Variants in LIMS1 observed in about 807,000 individuals in gnomAD.
LIMS1 encodes LIM zinc finger domain containing 1.
Under a neutral mutation model 44.1 loss-of-function variants are expected in LIMS1, and 18 were observed. The ratio of observed to expected loss-of-function variants is 0.41; its 90% CI spans 0.28 to 0.61. LIMS1 has a LOEUF of 0.61. Ranked by LOEUF, LIMS1 falls within the 20% of genes least tolerant of loss-of-function variation. The probability of loss-of-function intolerance (pLI) is 0.32; values close to 1 mark genes in which losing one functional copy is unlikely to be tolerated. For synonymous variants in LIMS1, 93 were observed against 149.1 expected, an observed-to-expected ratio of 0.62 and a Z score of 2.74; for missense variants, 201 against 422.0, an observed-to-expected ratio of 0.48 and a Z score of 4.59.
chr2:108,613,342 A>C (rs1687762443), intron 1 of LIMS1, among the ~76,000 whole-genome samples: 1 of 152,186 alleles, frequency 6.6e-6, no homozygotes, highest in African/African-American at 2.4e-5. Flanking sequence ...TCTGTGGACA[A>C]GATTAAGGCA....
rs114994985 is a variant in LIMS1 at position 108,584,412 on chromosome 2, T to C, written c.32+49818T>C. ...GACTTTTAAAGCCACGTAACCTCAT[T>C]CTGAGCTTCCTGTTCCTTATTAGAG... On this transcript the variant is annotated intron_variant, in intron 1 of 9. Coordinates refer to ENST00000544547, the Ensembl canonical transcript of LIMS1. 1.2e-3 allele frequency among the ~76,000 whole-genome samples: 176 copies of C among 152,200 alleles called. 1 individual carries two copies. The highest frequency in any genetic ancestry group is 4.0e-3 in the African/African-American group (166 of 41,518).
chr2:108,605,544 T>C lies in LIMS1; in HGVS notation c.33-54061T>C, dbSNP rs1220212941. Among the ~76,000 whole-genome samples, 5 of 152,340 alleles carry C rather than the reference T, an allele frequency of 3.3e-5. No homozygotes were observed. In the East Asian group the frequency reaches 5.8e-4, roughly 18 times the overall value. On this transcript the variant is annotated intron_variant, in intron 1 of 9. Coordinates refer to ENST00000544547, the Ensembl canonical transcript of LIMS1. ...GAAATTTATTCCTTTCAGCATCTTA[T>C]GCTGTCCCCATTTTCCTCTTTATTC...
intron 1 of LIMS1, among the ~76,000 whole-genome samples, chr2:108,593,313 CTCTT>C (rs1686502355): frequency 6.6e-6 from 1 of 152,184 alleles, no homozygotes; most frequent in Admixed American, 6.5e-5. Flanking sequence ...AGCCATTCTT[CTCTT>C]TCTTTTGCTT....
At chr2:108,580,178 A>G (rs540651278) in intron 1 of LIMS1, among the ~76,000 whole-genome samples, 1 of 152,346 alleles carries the variant, frequency 6.6e-6, no homozygotes, top group South Asian at 2.1e-4. Flanking sequence ...GCAAACAACT[A>G]GGGCTTTCCC....
chr2:108,659,141 G>T (rs1363875493), intron 1 of LIMS1: 1 of 980,970 alleles, frequency 1.0e-6, no homozygotes, highest in Non-Finnish European at 1.2e-6. Flanking sequence ...GGGATAACCC[G>T]TGTCTAGGTT....
intron 1 of LIMS1, among the ~76,000 whole-genome samples, chr2:108,561,769 GTC>G (rs1685132879): frequency 1.4e-5 from 2 of 145,700 alleles, no homozygotes; most frequent in Admixed American, 7.0e-5. Flanking sequence ...TTGAGGCGGA[GTC>G]TCACTCTGTT....
intron 1 of LIMS1, among the ~76,000 whole-genome samples, chr2:108,657,405 G>A (rs1217310730): frequency 1.3e-5 from 2 of 152,426 alleles, no homozygotes; most frequent in African/African-American, 2.4e-5. Context: ...AGCATCTTAC[G>A]GTTTCCAAAT....
intron 1 of LIMS1, chr2:108,607,245 T>C: frequency 6.4e-7 from 1 of 1,551,134 alleles, no homozygotes; most frequent in Admixed American, 2.0e-5. Flanking sequence ...CGAATCAAGA[T>C]ACATGACATG....
chr2:108,592,897 G>T (rs1043365202), intron 1 of LIMS1, among the ~76,000 whole-genome samples: 6 of 152,118 alleles, frequency 3.9e-5, no homozygotes, highest in African/African-American at 1.4e-4. Flanking sequence ...CCTTTTTATT[G>T]TATTAATAGT....
At chr2:108,551,521 A>G (rs1684703921) in intron 1 of LIMS1, among the ~76,000 whole-genome samples, 1 of 145,146 alleles carries the variant, frequency 6.9e-6, no homozygotes. Flanking sequence ...ACACACACAC[A>G]CACACACACA....
chr2:108,650,005 C>T (rs746968569), intron 1 of LIMS1, among the ~76,000 whole-genome samples: 5 of 152,034 alleles, frequency 3.3e-5, no homozygotes, highest in Admixed American at 1.3e-4. Flanking sequence ...AAAAGAAAAA[C>T]GCCCTTAGGG....
At chr2:108,656,301 A>ATATC (rs745568537) in intron 1 of LIMS1, among the ~76,000 whole-genome samples, 3 of 121,106 alleles carry the variant, frequency 2.5e-5, no homozygotes, top group African/African-American at 8.6e-5. Flanking sequence ...TTACATATAA[A>ATATC]TATCTATCTA....
At chr2:108,649,242 C>G (rs1436093778) in intron 1 of LIMS1, among the ~76,000 whole-genome samples, 1 of 152,210 alleles carries the variant, frequency 6.6e-6, no homozygotes, top group Non-Finnish European at 1.5e-5. Context: ...CATCACTGAT[C>G]ATTAGAGAAA....
intron 1 of LIMS1, among the ~76,000 whole-genome samples, chr2:108,584,199 C>T (rs1686004762): frequency 6.6e-6 from 1 of 152,154 alleles, no homozygotes; most frequent in South Asian, 2.1e-4. Flanking sequence ...GTGAGCCAGC[C>T]TGTGTTTGCT....
At chr2:108,592,474 G>C (rs1686455677) in intron 1 of LIMS1, among the ~76,000 whole-genome samples, 1 of 152,120 alleles carries the variant, frequency 6.6e-6, no homozygotes, top group African/African-American at 2.4e-5. Flanking sequence ...TGTGGGAGGG[G>C]GGTGTGTGGA....
intron 1 of LIMS1, among the ~76,000 whole-genome samples, chr2:108,566,751 C>A (rs1685304475): frequency 1.3e-5 from 2 of 152,102 alleles, no homozygotes; most frequent in African/African-American, 2.4e-5. Context: ...TGCCCAGCAC[C>A]ATGCCCAGCT....
intron 1 of LIMS1, among the ~76,000 whole-genome samples, chr2:108,652,992 T>G (rs1690605874): frequency 6.6e-6 from 1 of 152,220 alleles, no homozygotes; most frequent in Non-Finnish European, 1.5e-5. Context: ...GGTTGTTCCT[T>G]TCTTATTTAA....
chr2:108,560,455 A>G (rs1685073720), intron 1 of LIMS1, among the ~76,000 whole-genome samples: 1 of 151,830 alleles, frequency 6.6e-6, no homozygotes, highest in South Asian at 2.1e-4. Flanking sequence ...TCTGTCCCCT[A>G]GGTGTTTCTC....
At chr2:108,595,532 GTCT>G (rs1186660964) in intron 1 of LIMS1, among the ~76,000 whole-genome samples, 2 of 151,924 alleles carry the variant, frequency 1.3e-5, no homozygotes. Context: ...TTTTCCCTTG[GTCT>G]TCTTTCTTCT....
Sources: gnomAD v4.1 joint callset for allele counts (sites outside exome capture counted in the v4.1 genomes callset) on GRCh38, gnomAD v4.1.1 for gene constraint, MANE v1.5 for transcripts, NCBI Gene and HGNC (gene_info 2026-07-23, HGNC 2026-07-21) for gene names.